Variants in SENP7 observed in about 807,000 individuals in gnomAD.
SENP7 encodes the protein sentrin-specific protease 7.
SENP7 carries 64 observed loss-of-function variants against 141.2 expected under a neutral mutation model. The ratio of observed to expected loss-of-function variants is 0.45; its 90% confidence interval spans 0.37 to 0.56. The LOEUF (loss-of-function observed/expected upper bound fraction) is 0.56. Ranked by LOEUF, SENP7 falls within the 20% of genes least tolerant of loss-of-function variation. The probability of loss-of-function intolerance (pLI) is 0.00; values close to 1 mark genes in which losing one functional copy is unlikely to be tolerated. For synonymous variants in SENP7, 382 were observed against 426.4 expected (o/e 0.90, Z 1.28); for missense variants, 1,025 against 1,212.2 (o/e 0.85, Z 2.29).
intron 4 of SENP7, among the ~76,000 whole-genome samples, chr3:101,427,600 T>G (rs17344542): frequency 0.4 from 60,201 of 151,702 alleles, 12,458 homozygotes; most frequent in Admixed American, 0.53. Context: ...CCTGGCAAAA[T>G]GCACCTCTGC....
intron 3 of SENP7, among the ~76,000 whole-genome samples, chr3:101,464,697 GAAAT>G (rs986628826): frequency 1.1e-4 from 17 of 152,034 alleles, no homozygotes; most frequent in African/African-American, 4.1e-4. Context: ...AATAATAACA[GAAAT>G]AAAGTGCACA....
Position 101,366,476 on chromosome 3 carries a change from T to A in SENP7, c.1272A>T (p.Leu424=), listed in dbSNP as rs2060040246. The A allele has an allele frequency of 1.2e-6, 2 of 1,613,242 alleles. No homozygotes were observed. The highest frequency in any genetic ancestry group is 1.1e-5 in the South Asian group (1 of 90,888). Residue 424 remains leucine, a synonymous_variant, in exon 9 of 24, where the codon CTA becomes CTT. Coordinates refer to ENST00000394095, the MANE Select transcript of SENP7 (RefSeq NM_020654.5). ...ATTGGTTCCCTTCATTATGTCCTCTTAGAATAGGCTTTTCTATGGTATTCA... is the reference window on the plus strand; with the variant it reads ...ATTGGTTCCCTTCATTATGTCCTCTAAGAATAGGCTTTTCTATGGTATTCA... ...NELNTIEKPI[L]RGHNEGNQSL... is the part of the protein sequence containing the mutation.
rs941955170 is a variant in SENP7, at chr3:101,325,766, T to A, written c.*177A>T. On this transcript the variant is annotated 3_prime_UTR_variant, in exon 24 of 24. Coordinates refer to ENST00000394095, the MANE Select transcript of SENP7 (RefSeq NM_020654.5). ...CTATATCACCCCCATTCCCATTCCA[T>A]CTATGAGATCCCAACAATTCTAATA... 9.4e-6 allele frequency: 4 copies of A among 425,348 alleles called. No homozygotes were observed. Among genetic ancestry groups the A allele is most frequent in the Non-Finnish European group, 1.2e-5 (3 of 249,502 alleles). 26.3% of individuals were successfully genotyped at this position (425,348 alleles called of 1,614,324 possible).
At chr3:101,438,190 C>A (rs972003895) in intron 4 of SENP7, among the ~76,000 whole-genome samples, 1 of 152,074 alleles carries the variant, frequency 6.6e-6, no homozygotes, top group East Asian at 1.9e-4. Context: ...ACCAAGTGCC[C>A]ACAGATGAAT....
At chr3:101,394,989 G>T (rs141057026) in intron 6 of SENP7, among the ~76,000 whole-genome samples, 61 of 152,182 alleles carry the variant, frequency 4.0e-4, no homozygotes, top group African/African-American at 1.4e-3. Flanking sequence ...TTTTTAGTGG[G>T]ATTATTTGTT....
intron 2 of SENP7, among the ~76,000 whole-genome samples, chr3:101,500,748 T>C (rs2065346365): frequency 6.6e-6 from 1 of 152,214 alleles, no homozygotes; most frequent in African/African-American, 2.4e-5. Flanking sequence ...ATCTATAGCA[T>C]TACTAATGAA....
chr3:101,440,756 C>G (rs143259680), intron 4 of SENP7, among the ~76,000 whole-genome samples: 9 of 152,068 alleles, frequency 5.9e-5, no homozygotes, highest in African/African-American at 2.2e-4. Context: ...CGTATACAAA[C>G]ATAAACATCC....
intron 13 of SENP7, among the ~76,000 whole-genome samples, chr3:101,346,652 A>C (rs1446975685): frequency 6.6e-6 from 1 of 152,204 alleles, no homozygotes; most frequent in Non-Finnish European, 1.5e-5. Flanking sequence ...GAAGTAACTC[A>C]GGAATGGAAA....
chr3:101,354,028 T>A (rs944809856), intron 11 of SENP7, among the ~76,000 whole-genome samples: 10 of 151,988 alleles, frequency 6.6e-5, no homozygotes, highest in African/African-American at 2.4e-4. Context: ...CCTAAAAACC[T>A]GAAAAACCTG....
chr3:101,466,441 T>A (rs2107933948), intron 3 of SENP7, among the ~76,000 whole-genome samples: 1 of 152,282 alleles, frequency 6.6e-6, no homozygotes, highest in South Asian at 2.1e-4. Flanking sequence ...CTTACAGGCA[T>A]ATGATGATAT....
At chr3:101,479,439 A>T (rs558306755) in intron 3 of SENP7, among the ~76,000 whole-genome samples, 44 of 152,176 alleles carry the variant, frequency 2.9e-4, no homozygotes, top group Admixed American at 2.8e-3. Context: ...TCTGCAAAAC[A>T]ATTTTAAACA....
intron 3 of SENP7, among the ~76,000 whole-genome samples, chr3:101,481,714 T>G (rs1388404875): frequency 5.3e-5 from 8 of 152,178 alleles, no homozygotes; most frequent in Non-Finnish European, 7.3e-5. Flanking sequence ...CCTGATTTGG[T>G]CATTACACAT....
rs138517005 is a variant in SENP7, at chr3:101,455,362, T to G, written c.284+3593A>C. Among the ~76,000 whole-genome samples, 414 of 152,244 alleles carry G rather than the reference T, an allele frequency of 2.7e-3. 1 individual carries two copies. The highest frequency in any genetic ancestry group is 9.6e-3 in the African/African-American group (398 of 41,558). On this transcript the variant is annotated intron_variant, in intron 4 of 23. Coordinates refer to ENST00000394095, the MANE Select transcript of SENP7 (RefSeq NM_020654.5). Reference sequence around the variant, plus strand: ...CTTACATCTCACAGACTTATGAAAATTAAATAAGACAGTTTAGGCTTAGCC... The same window carrying G: ...CTTACATCTCACAGACTTATGAAAAGTAAATAAGACAGTTTAGGCTTAGCC...
chr3:101,332,253 C>A, intron 18 of SENP7, 144 bp from the exon 19 acceptor site: 1 of 761,696 alleles, frequency 1.3e-6, no homozygotes, highest in Admixed American at 3.1e-5. Flanking sequence ...TAATATAGAG[C>A]ATACATATCA....
chr3:101,501,140 G>A, intron 1 of SENP7, 21 bp from the exon 2 acceptor site: 1 of 1,570,534 alleles, frequency 6.4e-7, no homozygotes, highest in Non-Finnish European at 8.7e-7. Context: ...CAAAGACGTG[G>A]TAAAAATTAT....
chr3:101,505,761 C>T (rs1245437246), intron 1 of SENP7, among the ~76,000 whole-genome samples: 2 of 151,998 alleles, frequency 1.3e-5, no homozygotes, highest in Non-Finnish European at 2.9e-5. Flanking sequence ...TGTAAAATGG[C>T]GGAGAATATC....
chr3:101,487,038 G>T (rs2064758198), intron 3 of SENP7, among the ~76,000 whole-genome samples: 1 of 152,154 alleles, frequency 6.6e-6, no homozygotes, highest in African/African-American at 2.4e-5. Flanking sequence ...ATTATATAAT[G>T]GTAAAAGGCT....
intron 6 of SENP7, 34 bp downstream of exon 6, chr3:101,398,826 AT>A (rs1346527205): frequency 3.6e-6 from 5 of 1,383,312 alleles, no homozygotes; most frequent in Non-Finnish European, 4.9e-6. Context: ...AAAAATAAAT[AT>A]AATTATTTTG....
Position 101,499,906 on chromosome 3 carries a change from TGATCCGCCCGCCTCAGCACAA to T in SENP7, c.90+1143_90+1163del, listed in dbSNP as rs376420138. 1.2e-3 allele frequency among the ~76,000 whole-genome samples: 178 copies of T among 152,214 alleles called. 2 individuals carry two copies. The East Asian group carries it at 0.015, about 13-fold the overall frequency. ...CTGGTCTTGAACTCCTGACCTAAGA[TGATCCGCCCGCCTCAGCACAA>T]GATTTTTTTTAACCTCCTATTTACC... On this transcript the variant is annotated intron_variant, in intron 2 of 23. Coordinates refer to ENST00000394095, the MANE Select transcript of SENP7 (RefSeq NM_020654.5).
Sources: allele counts gnomAD v4.1 joint callset (sites outside exome capture counted in the v4.1 genomes callset), GRCh38; gene constraint gnomAD v4.1.1; transcripts MANE v1.5; gene names NCBI Gene and HGNC (gene_info 2026-07-23, HGNC 2026-07-21).